The following ADGRL2 variants were observed in gnomAD, a reference collection of about 807,000 sequenced individuals.
The protein encoded by ADGRL2 is calcium-independent alpha-latrotoxin receptor 2.
Under a neutral mutation model 157.4 loss-of-function variants are expected in ADGRL2, and 44 were observed. The ratio of observed to expected loss-of-function variants is 0.28; its 90% CI spans 0.22 to 0.36. The LOEUF is 0.36. Among genes scored for constraint, ADGRL2 ranks in the 10% least tolerant of loss-of-function variants. The pLI is 1.00. For synonymous variants in ADGRL2, 585 were observed against 624.7 expected, an observed-to-expected ratio of 0.94 and a Z score of 0.95; for missense variants, 1,510 against 1,768.9, an observed-to-expected ratio of 0.85 and a Z score of 2.63.
At chr1:81,848,973 C>G (rs2092904522) in intron 2 of ADGRL2, among the ~76,000 whole-genome samples, 1 of 151,928 alleles carries the variant, frequency 6.6e-6, no homozygotes, top group South Asian at 2.1e-4. Flanking sequence ...TATCTTTTCC[C>G]TTTTGTTTGC....
rs12404641 is a variant in ADGRL2 at position 81,509,796 on chromosome 1, G to A, written c.-248+64707G>A. On this transcript the variant is annotated intron_variant, in intron 2 of 24. Transcript: ENST00000370721. ...GCGCTCTATTGAATTGTTTGCACCA[G>A]CCATTTCTTGTGTGCAAACAGGAGG... is the stretch of plus-strand genomic sequence containing the variant. Among the ~76,000 whole-genome samples, 156 of 152,140 alleles carry A rather than the reference G, an allele frequency of 1.0e-3. 2 individuals are homozygous for A. Among genetic ancestry groups the A allele is most frequent in the Admixed American group, 0.01 (155 of 15,264 alleles).
chr1:81,657,210 G>A (rs2082553935), intron 3 of ADGRL2, among the ~76,000 whole-genome samples: 1 of 152,052 alleles, frequency 6.6e-6, no homozygotes, highest in Non-Finnish European at 1.5e-5. Flanking sequence ...TGGGGCTTTG[G>A]AGAGTCAATT....
At chr1:81,370,206 T>C (rs914328819) in intron 1 of ADGRL2, among the ~76,000 whole-genome samples, 1 of 152,184 alleles carries the variant, frequency 6.6e-6, no homozygotes, top group Non-Finnish European at 1.5e-5. Context: ...CTAGAATATA[T>C]AAGTTTAATT....
intron 2 of ADGRL2, among the ~76,000 whole-genome samples, chr1:81,894,664 A>C (rs957076078): frequency 2.0e-5 from 3 of 152,162 alleles, no homozygotes; most frequent in African/African-American, 7.2e-5. Context: ...AAGAGTAGAA[A>C]TTAAAAAAAA....
chr1:81,958,777 T>G (rs1015109725), intron 11 of ADGRL2, among the ~76,000 whole-genome samples: 5 of 152,302 alleles, frequency 3.3e-5, no homozygotes, highest in Admixed American at 6.5e-5. Flanking sequence ...TCCTTTGCAG[T>G]CATTCTCCTC....
intron 2 of ADGRL2, among the ~76,000 whole-genome samples, chr1:81,493,457 C>T (rs9425193): frequency 0.41 from 61,556 of 151,972 alleles, 14,580 homozygotes; most frequent in African/African-American, 0.63. Flanking sequence ...TATTAAGATA[C>T]GCTTGTGCTC....
chr1:81,344,061 T>G (rs1164273200), intron 1 of ADGRL2, among the ~76,000 whole-genome samples: 1 of 152,020 alleles, frequency 6.6e-6, no homozygotes, highest in Non-Finnish European at 1.5e-5. Flanking sequence ...GTCATTATAT[T>G]ACAAAGAAAA....
At chr1:81,726,816 G>C (rs2084545239) in intron 1 of ADGRL2, among the ~76,000 whole-genome samples, 1 of 152,084 alleles carries the variant, frequency 6.6e-6, no homozygotes, top group Non-Finnish European at 1.5e-5. Flanking sequence ...GCATACAGTA[G>C]GAACTTTGGA....
chr1:81,616,674 C>CTTATCTT (rs2081657543), intron 3 of ADGRL2, among the ~76,000 whole-genome samples: 1 of 51,870 alleles, frequency 1.9e-5, no homozygotes, highest in Non-Finnish European at 4.0e-5. Context: ...CTTTTCTTTT[C>CTTATCTT]TTTTCTTTTT....
intron 3 of ADGRL2, among the ~76,000 whole-genome samples, chr1:81,589,146 T>C (rs765453830): frequency 6.6e-5 from 10 of 152,282 alleles, no homozygotes; most frequent in Admixed American, 2.6e-4. Flanking sequence ...TAGGATGCCA[T>C]CTCTAAGCTG....
At chr1:81,824,618 G>A (rs570720188) in intron 1 of ADGRL2, among the ~76,000 whole-genome samples, 1 of 152,244 alleles carries the variant, frequency 6.6e-6, no homozygotes, top group Admixed American at 6.5e-5. Flanking sequence ...TAATTGAAGA[G>A]GACTCAAGAT....
chr1:81,345,689 G>A (rs1662432133), intron 1 of ADGRL2, among the ~76,000 whole-genome samples: 1 of 152,036 alleles, frequency 6.6e-6, no homozygotes, highest in South Asian at 2.1e-4. Context: ...CCTAGATTCA[G>A]AATTATTTTG....
At chr1:81,830,317 C>G (rs938581779) in intron 1 of ADGRL2, among the ~76,000 whole-genome samples, 14 of 152,060 alleles carry the variant, frequency 9.2e-5, no homozygotes, top group African/African-American at 3.4e-4. Context: ...ACTGGACATA[C>G]ATGAAAGTAT....
intron 1 of ADGRL2, among the ~76,000 whole-genome samples, chr1:81,815,341 A>G (rs2090290171): frequency 6.6e-6 from 1 of 151,836 alleles, no homozygotes. Flanking sequence ...TTACTATTTG[A>G]CAGAGCATCA....
At chr1:81,938,688 A>G (rs993361263) in intron 4 of ADGRL2, among the ~76,000 whole-genome samples, 9 of 151,710 alleles carry the variant, frequency 5.9e-5, no homozygotes, top group Admixed American at 1.3e-4. Context: ...GCTAAAGAAT[A>G]AAAGTAATTA....
chr1:81,322,087 C>CATATATAT lies in ADGRL2; in HGVS notation c.-302+15594_-302+15601dup, dbSNP rs148181887. Among the ~76,000 whole-genome samples, 297 of 112,172 alleles carry CATATATAT rather than the reference C, an allele frequency of 2.6e-3. 11 individuals carry two copies. The highest frequency in any genetic ancestry group is 0.013 in the Middle Eastern group (3 of 232). 73.6% of individuals were successfully genotyped at this position (112,172 alleles called of 152,430 possible). A position where few individuals can be genotyped will look rare whatever the true frequency, so the allele number is the denominator to read the frequency against. ...CTTCCTTAAATGTACAGGACTAATT[C>CATATATAT]ATATATATATATATATATATATACA... is the stretch of plus-strand genomic sequence containing the variant. On this transcript the variant is annotated intron_variant, in intron 1 of 24. Coordinates refer to the ADGRL2 transcript ENST00000370721.
chr1:81,896,718 T>C (rs2094396449), intron 2 of ADGRL2, among the ~76,000 whole-genome samples: 1 of 152,118 alleles, frequency 6.6e-6, no homozygotes, highest in Admixed American at 6.6e-5. Context: ...AAAAATAAAA[T>C]GCCTACTGTG....
intron 17 of ADGRL2, among the ~76,000 whole-genome samples, chr1:81,974,932 G>T (rs1295081693): frequency 6.6e-6 from 1 of 151,810 alleles, no homozygotes; most frequent in Non-Finnish European, 1.5e-5. Context: ...ATAGGTAAAA[G>T]AATGATCTTT....
chr1:81,901,298 A>C (rs2094481777), intron 2 of ADGRL2, among the ~76,000 whole-genome samples: 1 of 152,100 alleles, frequency 6.6e-6, no homozygotes, highest in Admixed American at 6.5e-5. Flanking sequence ...GATGACAATG[A>C]CAACAAATAC....
Sources: allele counts gnomAD v4.1 joint callset (sites outside exome capture counted in the v4.1 genomes callset), GRCh38; gene constraint gnomAD v4.1.1; transcripts MANE v1.5; gene names NCBI Gene and HGNC (gene_info 2026-07-23, HGNC 2026-07-21).